KAZN: variants seen among roughly 807,000 people sequenced by gnomAD.
KAZN encodes the protein kazrin.
A neutral mutation model predicts 87.4 loss-of-function variants in KAZN; 40 were observed. The ratio of observed to expected loss-of-function variants is 0.46; its 90% CI spans 0.36 to 0.60. The LOEUF (loss-of-function observed/expected upper bound fraction) is 0.60, where lower values mean the gene tolerates loss of function less well. KAZN is among the 20% of genes least tolerant of loss of function. The probability of loss-of-function intolerance (pLI) is 0.00; values close to 1 mark genes in which losing one functional copy is unlikely to be tolerated. For missense variants in KAZN, 898 were observed against 1,073.9 expected, an observed-to-expected ratio of 0.84 and a Z score of 2.29; for synonymous variants, 466 against 458.3, an observed-to-expected ratio of 1.02 and a Z score of -0.22.
At chr1:14,410,921 T>C (rs1452368690) in intron 2 of KAZN, among the ~76,000 whole-genome samples, 1 of 152,236 alleles carries the variant, frequency 6.6e-6, no homozygotes, top group East Asian at 1.9e-4. Flanking sequence ...GATTGTGGAC[T>C]TCTGGCCTCC....
At chr1:14,978,471 G>A (rs1665895938) in intron 2 of KAZN, among the ~76,000 whole-genome samples, 1 of 152,206 alleles carries the variant, frequency 6.6e-6, no homozygotes, top group South Asian at 2.1e-4. Context: ...TTCTTCAGAG[G>A]AGAAGGTGGT....
intron 1 of KAZN, among the ~76,000 whole-genome samples, chr1:14,630,821 C>T (rs753588787): frequency 5.3e-5 from 8 of 152,102 alleles, no homozygotes; most frequent in African/African-American, 1.4e-4. Flanking sequence ...GGGGAAGACA[C>T]GTAACCTCTC....
At chr1:14,657,077 C>CTTTTTT (rs35046893) in intron 1 of KAZN, among the ~76,000 whole-genome samples, 8 of 83,360 alleles carry the variant, frequency 9.6e-5, no homozygotes, top group African/African-American at 1.3e-4. Flanking sequence ...AAGAGAGAGG[C>CTTTTTT]TTTTTTTTTT....
Position 14,566,998 on chromosome 1 carries a change from C to T in KAZN, c.250-31985C>T, listed in dbSNP as rs533053991. 2.1e-3 allele frequency among the ~76,000 whole-genome samples: 313 copies of T among 152,310 alleles called. 3 individuals carry two copies. Among genetic ancestry groups the T allele is most frequent in the African/African-American group, 7.3e-3 (302 of 41,558 alleles). On this transcript the variant is annotated intron_variant, in intron 2 of 16. Transcript: ENST00000636203. ...CACTGGAGTTGGCACTTTTAATTTC[C>T]TTCAAGAACTTTTCTTTTGCATTTA...
chr1:14,267,001 A>C (rs531646735), intron 2 of KAZN, among the ~76,000 whole-genome samples: 9 of 151,724 alleles, frequency 5.9e-5, no homozygotes, highest in African/African-American at 2.2e-4. Context: ...CTCGTCATTT[A>C]GCATTAGGTA....
chr1:14,893,365 C>CAA (rs200635051), intron 1 of KAZN, among the ~76,000 whole-genome samples: 4 of 150,106 alleles, frequency 2.7e-5, no homozygotes, highest in African/African-American at 9.8e-5. Context: ...GACTTTGTTT[C>CAA]AAAAAAAAAG....
chr1:14,496,748 CAT>C (rs1465966241), intron 2 of KAZN, among the ~76,000 whole-genome samples: 1 of 151,568 alleles, frequency 6.6e-6, no homozygotes, highest in East Asian at 1.9e-4. Context: ...TGAGTTGAGA[CAT>C]AGGTGAAAAT....
At chr1:15,059,576 G>A (rs1407811296) in intron 5 of KAZN, among the ~76,000 whole-genome samples, 2 of 152,162 alleles carry the variant, frequency 1.3e-5, no homozygotes, top group African/African-American at 2.4e-5. Context: ...CCAGGCGAGA[G>A]TCAGTGGTGG....
intron 2 of KAZN, among the ~76,000 whole-genome samples, chr1:15,006,036 C>A (rs1668967054): frequency 6.6e-6 from 1 of 152,132 alleles, no homozygotes; most frequent in Non-Finnish European, 1.5e-5. Context: ...GAGCCTTGAA[C>A]CCTGGGACTG....
At chr1:14,258,813 C>T (rs759729297) in intron 2 of KAZN, among the ~76,000 whole-genome samples, 1 of 152,126 alleles carries the variant, frequency 6.6e-6, no homozygotes, top group Non-Finnish European at 1.5e-5. Context: ...GTGACTACAA[C>T]CTCGCAGGAA....
At chr1:15,072,897 G>C (rs1639575556) in intron 8 of KAZN, among the ~76,000 whole-genome samples, 1 of 152,188 alleles carries the variant, frequency 6.6e-6, no homozygotes, top group South Asian at 2.1e-4. Flanking sequence ...AGCCTCATTA[G>C]TAGGATGAGG....
At chr1:14,402,862 CTG>C (rs929043839) in intron 2 of KAZN, among the ~76,000 whole-genome samples, 2 of 151,782 alleles carry the variant, frequency 1.3e-5, no homozygotes, top group African/African-American at 4.8e-5. Flanking sequence ...GAGTCTCACT[CTG>C]TTTCCTAGGC....
At chr1:13,967,175 A>G (rs1008377563) in intron 1 of KAZN, among the ~76,000 whole-genome samples, 2 of 152,204 alleles carry the variant, frequency 1.3e-5, no homozygotes, top group African/African-American at 2.4e-5. Flanking sequence ...TAAAAATAGC[A>G]CAGAAGGTAC....
chr1:14,740,645 G>T (rs1045773931), intron 1 of KAZN, among the ~76,000 whole-genome samples: 20 of 152,038 alleles, frequency 1.3e-4, no homozygotes, highest in Non-Finnish European at 4.4e-5. Flanking sequence ...GACCTCTCCC[G>T]CTCTGGCCGC....
intron 1 of KAZN, among the ~76,000 whole-genome samples, chr1:14,683,452 G>A (rs893783494): frequency 1.3e-5 from 2 of 152,022 alleles, no homozygotes; most frequent in African/African-American, 4.8e-5. Flanking sequence ...ATGCTATTAG[G>A]CATTCTTGGA....
At chr1:14,074,173 C>G (rs970329599) in intron 1 of KAZN, among the ~76,000 whole-genome samples, 1 of 152,118 alleles carries the variant, frequency 6.6e-6, no homozygotes, top group Non-Finnish European at 1.5e-5. Flanking sequence ...TATGTTCCAT[C>G]CCCCTACCTC....
intron 1 of KAZN, among the ~76,000 whole-genome samples, chr1:14,879,854 T>A (rs1304125018): frequency 6.6e-6 from 1 of 152,218 alleles, no homozygotes; most frequent in African/African-American, 2.4e-5. Flanking sequence ...AAATATGAGC[T>A]ACCATGTTAA....
intron 8 of KAZN, among the ~76,000 whole-genome samples, chr1:15,085,037 G>A (rs1228274502): frequency 2.6e-5 from 4 of 151,914 alleles, no homozygotes; most frequent in Admixed American, 6.6e-5. Flanking sequence ...CAGATAAAAC[G>A]TTTTAGAAAT....
chr1:14,514,576 T>TTATATAATATGAAA (rs1557770328), intron 2 of KAZN, among the ~76,000 whole-genome samples: 2 of 123,646 alleles, frequency 1.6e-5, no homozygotes, highest in African/African-American at 6.1e-5. Context: ...TCTATATATT[T>TTATATAATATGAAA]TATATATTTT....
Sources: allele counts gnomAD v4.1 joint callset (sites outside exome capture counted in the v4.1 genomes callset), GRCh38; gene constraint gnomAD v4.1.1; transcripts MANE v1.5; gene names NCBI Gene and HGNC (gene_info 2026-07-23, HGNC 2026-07-21).